CCDC102B: variants seen among roughly 807,000 people sequenced by gnomAD.
The protein encoded by CCDC102B is coiled-coil domain containing 102B.
A neutral mutation model predicts 57.4 loss-of-function variants in CCDC102B; 75 were observed. That is an observed-to-expected ratio of 1.31 (90% confidence interval 1.08 to 1.58). The LOEUF is 1.58. CCDC102B is among the 40% of genes most tolerant of loss of function. CCDC102B has a pLI of 0.00. For synonymous variants in CCDC102B, 206 were observed against 201.9 expected, an observed-to-expected ratio of 1.02 and a Z score of -0.17; for missense variants, 636 against 582.6, an observed-to-expected ratio of 1.09 and a Z score of -0.94.
At chr18:68,881,593 C>A (rs1387738405) in intron 5 of CCDC102B, among the ~76,000 whole-genome samples, 2 of 151,996 alleles carry the variant, frequency 1.3e-5, no homozygotes, top group Admixed American at 6.6e-5. Context: ...CAATTGAAGA[C>A]CTAAATAGAA....
At chr18:68,745,722 A>C (rs1216680761) in intron 2 of CCDC102B, among the ~76,000 whole-genome samples, 1 of 151,792 alleles carries the variant, frequency 6.6e-6, no homozygotes, top group African/African-American at 2.4e-5. Context: ...CTATTAACCT[A>C]CCTCCCTTCA....
intron 2 of CCDC102B, 53 bp downstream of exon 2, chr18:68,837,422 T>C (rs1343227248): frequency 2.0e-6 from 3 of 1,522,350 alleles, no homozygotes; most frequent in Admixed American, 4.0e-5. Flanking sequence ...TATATAGTGA[T>C]GGGGAGGAAG....
At chr18:68,759,485 C>A (rs1204427894) in intron 2 of CCDC102B, among the ~76,000 whole-genome samples, 1 of 140,842 alleles carries the variant, frequency 7.1e-6, no homozygotes, top group Non-Finnish European at 1.7e-5. Context: ...GTGACAGTCA[C>A]ATACAAAGGA....
chr18:69,057,317 T>C (rs2052833702), downstream of CCDC102B, among the ~76,000 whole-genome samples: 2 of 152,104 alleles, frequency 1.3e-5, no homozygotes, highest in Non-Finnish European at 2.9e-5. Flanking sequence ...TCTGTTGGTT[T>C]TCTGAGTTTA....
chr18:69,007,546 A>G (rs143089322), intron 6 of CCDC102B, among the ~76,000 whole-genome samples: 14 of 152,334 alleles, frequency 9.2e-5, no homozygotes, highest in African/African-American at 3.1e-4. Context: ...ATTGGCTTAT[A>G]CCAATGGTTC....
chr18:68,956,478 A>T (rs1242591337), intron 6 of CCDC102B, among the ~76,000 whole-genome samples: 5 of 30,398 alleles, frequency 1.6e-4, no homozygotes, highest in Non-Finnish European at 2.7e-4. Flanking sequence ...TATATTATAT[A>T]TATATAATAT....
intron 7 of CCDC102B, among the ~76,000 whole-genome samples, chr18:69,041,891 A>G (rs1326441571): frequency 6.6e-6 from 1 of 151,854 alleles, no homozygotes; most frequent in Non-Finnish European, 1.5e-5. Context: ...CTGTTACATC[A>G]TTGTGTTTAT....
intron 6 of CCDC102B, among the ~76,000 whole-genome samples, chr18:68,963,556 G>A (rs1366686242): frequency 6.6e-6 from 1 of 151,720 alleles, no homozygotes; most frequent in African/African-American, 2.4e-5. Flanking sequence ...ATCAAGACAA[G>A]GCCTTTTACA....
At chr18:68,786,990 G>A (rs529715474) in intron 2 of CCDC102B, among the ~76,000 whole-genome samples, 1 of 152,162 alleles carries the variant, frequency 6.6e-6, no homozygotes, top group African/African-American at 2.4e-5. Flanking sequence ...TTATTATTTT[G>A]AGATACGTCC....
intron 2 of CCDC102B, among the ~76,000 whole-genome samples, chr18:68,747,825 T>C (rs892991005): frequency 3.9e-5 from 6 of 152,160 alleles, no homozygotes; most frequent in Non-Finnish European, 5.9e-5. Flanking sequence ...GCGATGAACA[T>C]GGGAGTTCAG....
intron 6 of CCDC102B, among the ~76,000 whole-genome samples, chr18:68,967,202 A>G (rs1260367291): frequency 1.3e-5 from 2 of 152,004 alleles, no homozygotes; most frequent in Admixed American, 6.6e-5. Context: ...GCCCTCTCCT[A>G]TCAACCATCG....
chr18:68,966,034 G>A (rs2050157883), intron 6 of CCDC102B, among the ~76,000 whole-genome samples: 1 of 152,108 alleles, frequency 6.6e-6, no homozygotes, highest in African/African-American at 2.4e-5. Flanking sequence ...GAGAGGTCGA[G>A]GTAGGTTTAT....
chr18:68,954,089 G>A (rs2049776289), intron 6 of CCDC102B, among the ~76,000 whole-genome samples: 1 of 151,826 alleles, frequency 6.6e-6, no homozygotes, highest in African/African-American at 2.4e-5. Flanking sequence ...TCTAAATTTA[G>A]GAAATGGCAT....
chr18:68,857,033 TTA>T (rs1491483624), intron 4 of CCDC102B, among the ~76,000 whole-genome samples: 4 of 129,642 alleles, frequency 3.1e-5, no homozygotes. Flanking sequence ...AATAATATAT[TTA>T]TATATAATAT....
intron 7 of CCDC102B, among the ~76,000 whole-genome samples, chr18:69,048,207 AGT>A (rs748917226): frequency 2.6e-5 from 4 of 151,314 alleles, no homozygotes; most frequent in African/African-American, 7.3e-5. Context: ...ATGCCAAATA[AGT>A]GTGTGTGTGT....
intron 4 of CCDC102B, among the ~76,000 whole-genome samples, chr18:68,854,336 G>A (rs933100599): frequency 5.3e-5 from 8 of 152,106 alleles, no homozygotes; most frequent in African/African-American, 1.9e-4. Context: ...CCGACCTCAG[G>A]TGACCCGCCT....
chr18:68,717,698 AGTG>A (rs1317759951), intron 2 of CCDC102B, among the ~76,000 whole-genome samples: 1 of 152,124 alleles, frequency 6.6e-6, no homozygotes, highest in East Asian at 1.9e-4. Flanking sequence ...ATCTACCTCA[AGTG>A]GTGATAATTT....
chr18:69,019,893 C>G (rs2051779332), intron 7 of CCDC102B, among the ~76,000 whole-genome samples: 1 of 152,016 alleles, frequency 6.6e-6, no homozygotes, highest in Non-Finnish European at 1.5e-5. Flanking sequence ...TCTTCTGCAC[C>G]TATTTTATTT....
chr18:68,995,467 T>C (rs1366977380), intron 6 of CCDC102B, among the ~76,000 whole-genome samples: 1 of 152,056 alleles, frequency 6.6e-6, no homozygotes, highest in African/African-American at 2.4e-5. Context: ...TGTGCAGTCT[T>C]GGGACTTGGT....
Sources: allele counts gnomAD v4.1 joint callset (sites outside exome capture counted in the v4.1 genomes callset), GRCh38; gene constraint gnomAD v4.1.1; transcripts MANE v1.5; gene names NCBI Gene and HGNC (gene_info 2026-07-23, HGNC 2026-07-21).